Variants in ASTN1 observed in about 807,000 individuals in gnomAD.
ASTN1 encodes astrotactin 1, also known as astrotactin-1.
In ASTN1, 41 loss-of-function variants were observed where a neutral mutation model predicts 140.7. That is an observed-to-expected ratio of 0.29 (90% CI 0.23 to 0.38). ASTN1 has a LOEUF of 0.38. ASTN1 is among the 10% of genes least tolerant of loss of function. The probability of loss-of-function intolerance (pLI) is 1.00; values close to 1 mark genes in which losing one functional copy is unlikely to be tolerated. For synonymous variants in ASTN1, 640 were observed against 652.2 expected, an observed-to-expected ratio of 0.98 and a Z score of 0.29; for missense variants, 1,479 against 1,678.8, an observed-to-expected ratio of 0.88 and a Z score of 2.08.
At chr1:177,121,527 T>C (rs1342630436) in intron 1 of ASTN1, among the ~76,000 whole-genome samples, 1 of 152,060 alleles carries the variant, frequency 6.6e-6, no homozygotes, top group Non-Finnish European at 1.5e-5. Context: ...ATCTATAGGA[T>C]GTCTAAAATG....
intron 1 of ASTN1, among the ~76,000 whole-genome samples, chr1:177,164,062 C>T (rs1004344335): frequency 3.3e-5 from 5 of 151,958 alleles, no homozygotes; most frequent in Non-Finnish European, 7.4e-5. Context: ...GAACTGGTAG[C>T]AGACAAAAAG....
At chr1:177,019,481 G>A (rs181859345) in intron 7 of ASTN1, among the ~76,000 whole-genome samples, 53 of 152,298 alleles carry the variant, frequency 3.5e-4, no homozygotes, top group African/African-American at 1.3e-3. Flanking sequence ...AACATAAATT[G>A]TTATAGAATG....
chr1:177,058,509 AAG>A (rs1677919288), intron 2 of ASTN1, among the ~76,000 whole-genome samples: 1 of 152,150 alleles, frequency 6.6e-6, no homozygotes, highest in Non-Finnish European at 1.5e-5. Flanking sequence ...TCTCAGAGAT[AAG>A]TTTAAAGTTG....
chr1:176,860,775 C>T (rs1667935020), downstream of ASTN1, among the ~76,000 whole-genome samples: 2 of 152,216 alleles, frequency 1.3e-5, no homozygotes, highest in Admixed American at 1.3e-4. Context: ...AGCCTGTACC[C>T]TCTGCATCAT....
Position 176,864,533 on chromosome 1 carries a change from G to A in ASTN1, c.3648-12C>T. On this transcript the variant is annotated splice_polypyrimidine_tract_variant and intron_variant, in intron 22 of 22. Transcript: ENST00000361833. ...TGAGACCAGCTTTCCTATGGATCAA[G>A]CACAGAGGATACTTAAGTTAGAAAG... The A allele has an allele frequency of 1.2e-6, 2 of 1,612,250 alleles. No homozygotes were observed. Among genetic ancestry groups the A allele is most frequent in the Non-Finnish European group, 1.7e-6 (2 of 1,178,524 alleles).
intron 9 of ASTN1, 113 bp downstream of exon 9, chr1:176,965,050 A>G: frequency 1.0e-6 from 1 of 987,166 alleles, no homozygotes; most frequent in Non-Finnish European, 1.6e-6. Flanking sequence ...GGTGGTCGTG[A>G]CAACTCAAGG....
At chr1:176,965,011 A>AAACATAT in intron 9 of ASTN1, 152 bp downstream of exon 9, 1 of 707,710 alleles carries the variant, frequency 1.4e-6, no homozygotes, top group Non-Finnish European at 2.5e-6. Context: ...GTCCCTGGGC[A>AAACATAT]TGACTGGGGG....
chr1:177,145,822 T>G (rs927492225), intron 1 of ASTN1, among the ~76,000 whole-genome samples: 1 of 152,234 alleles, frequency 6.6e-6, no homozygotes, highest in African/African-American at 2.4e-5. Flanking sequence ...TACATTCACA[T>G]GCAAGACAAT....
chr1:176,950,100 G>A (rs1202826542), intron 11 of ASTN1, among the ~76,000 whole-genome samples: 1 of 152,224 alleles, frequency 6.6e-6, no homozygotes, highest in African/African-American at 2.4e-5. Context: ...ATAGCAAAGA[G>A]AATATCTAAG....
At chr1:177,031,220 T>A (rs1676423974) in intron 3 of ASTN1, among the ~76,000 whole-genome samples, 1 of 152,188 alleles carries the variant, frequency 6.6e-6, no homozygotes, top group Non-Finnish European at 1.5e-5. Flanking sequence ...TATTCTGTAT[T>A]GATAAGGTCA....
At chr1:176,999,243 C>A (rs1674603809) in intron 8 of ASTN1, among the ~76,000 whole-genome samples, 1 of 152,170 alleles carries the variant, frequency 6.6e-6, no homozygotes, top group Non-Finnish European at 1.5e-5. Flanking sequence ...TGGATCAATT[C>A]TTTAAAACAA....
intron 16 of ASTN1, among the ~76,000 whole-genome samples, chr1:176,923,230 C>T (rs1043718577): frequency 6.6e-6 from 1 of 152,178 alleles, no homozygotes; most frequent in Admixed American, 6.5e-5. Flanking sequence ...ATTCCCTTAT[C>T]AGAAGTAGAA....
chr1:177,015,412 C>T (rs750786382), intron 7 of ASTN1, among the ~76,000 whole-genome samples: 25 of 152,202 alleles, frequency 1.6e-4, no homozygotes, highest in Non-Finnish European at 3.5e-4. Context: ...GTCTGTCTGA[C>T]TCCAGACCTT....
At chr1:177,043,878 T>C (rs1464967216) in intron 2 of ASTN1, among the ~76,000 whole-genome samples, 1 of 152,052 alleles carries the variant, frequency 6.6e-6, no homozygotes, top group Non-Finnish European at 1.5e-5. Context: ...GTCAAAAAAG[T>C]CTTCTTTGGG....
chr1:177,066,036 A>T (rs1678336246), intron 1 of ASTN1, among the ~76,000 whole-genome samples: 1 of 152,178 alleles, frequency 6.6e-6, no homozygotes, highest in Non-Finnish European at 1.5e-5. Flanking sequence ...GAACTTGAAA[A>T]TTTTGTTGTA....
chr1:177,016,586 A>C (rs1441325313), intron 7 of ASTN1, among the ~76,000 whole-genome samples: 1 of 152,174 alleles, frequency 6.6e-6, no homozygotes, highest in Non-Finnish European at 1.5e-5. Flanking sequence ...GGGAGGGCAA[A>C]AGAAGAGAGT....
chr1:177,002,741 G>A (rs1156719148), intron 8 of ASTN1, among the ~76,000 whole-genome samples: 5 of 152,230 alleles, frequency 3.3e-5, no homozygotes, highest in Non-Finnish European at 7.4e-5. Context: ...GGCATAGGAA[G>A]AATAAACCTT....
intron 8 of ASTN1, among the ~76,000 whole-genome samples, chr1:177,014,451 GGCTTCATGTGTCTCCAACAAAATCATCA>G (rs1307651859): frequency 1.3e-5 from 2 of 152,152 alleles, no homozygotes; most frequent in African/African-American, 2.4e-5. Context: ...GAGTCTCTGT[GGCTTCATGTGTCTCCAACAAAATCATCA>G]GCTAAATTCT....
chr1:177,017,127 C>T (rs1046985777), intron 7 of ASTN1, among the ~76,000 whole-genome samples: 3 of 152,216 alleles, frequency 2.0e-5, no homozygotes, highest in African/African-American at 2.4e-5. Context: ...GACAGCAATA[C>T]CTACCATTTG....
Sources: allele counts gnomAD v4.1 joint callset (sites outside exome capture counted in the v4.1 genomes callset), GRCh38; gene constraint gnomAD v4.1.1; transcripts MANE v1.5; gene names NCBI Gene and HGNC (gene_info 2026-07-23, HGNC 2026-07-21).